LAMA2: variants seen among roughly 807,000 people sequenced by gnomAD.
LAMA2 encodes the protein laminin subunit alpha 2.
In LAMA2, 269 loss-of-function variants were observed where a neutral mutation model predicts 364.8. That is an observed-to-expected ratio of 0.74 (90% confidence interval 0.67 to 0.82). The LOEUF (loss-of-function observed/expected upper bound fraction) is 0.82. LAMA2 is among the 40% of genes least tolerant of loss of function. LAMA2 has a pLI of 0.00. For missense variants in LAMA2, 3,807 were observed against 3,873.2 expected, an observed-to-expected ratio of 0.98 and a Z score of 0.45; for synonymous variants, 1,379 against 1,370.6, an observed-to-expected ratio of 1.01 and a Z score of -0.14.
intron 3 of LAMA2, 26 bp from the exon 4 acceptor site, chr6:129,098,147 T>C: frequency 1.9e-6 from 3 of 1,612,170 alleles, no homozygotes; most frequent in Non-Finnish European, 1.7e-6. Context: ...GAATTCAATG[T>C]TATTGTTGTT....
At chr6:128,984,918 A>G (rs1041817981) in intron 1 of LAMA2, among the ~76,000 whole-genome samples, 11 of 152,102 alleles carry the variant, frequency 7.2e-5, no homozygotes, top group African/African-American at 2.7e-4. Context: ...ATATTTCACA[A>G]TTTACTAGGA....
At chr6:129,306,023 C>T (rs1773846552) in intron 22 of LAMA2, among the ~76,000 whole-genome samples, 1 of 151,976 alleles carries the variant, frequency 6.6e-6, no homozygotes, top group South Asian at 2.1e-4. Flanking sequence ...CAGGAAACCT[C>T]CAGTCCCCTT....
chr6:129,184,389 T>G (rs1458829828), intron 10 of LAMA2, among the ~76,000 whole-genome samples: 2 of 151,886 alleles, frequency 1.3e-5, no homozygotes, highest in African/African-American at 4.8e-5. Flanking sequence ...AATATTATGT[T>G]AGTCAATTTT....
chr6:129,142,876 A>C (rs753407457), intron 4 of LAMA2, among the ~76,000 whole-genome samples: 1 of 151,988 alleles, frequency 6.6e-6, no homozygotes, highest in Non-Finnish European at 1.5e-5. Context: ...GTATCTTATA[A>C]ACTTTTAACA....
At chr6:129,053,988 A>G (rs1195993991) in intron 2 of LAMA2, among the ~76,000 whole-genome samples, 2 of 152,220 alleles carry the variant, frequency 1.3e-5, no homozygotes, top group East Asian at 3.8e-4. Context: ...GTAAAAACAT[A>G]TGGGTCATTA....
intron 18 of LAMA2, among the ~76,000 whole-genome samples, chr6:129,284,518 A>AT (rs921004598): frequency 2.0e-5 from 3 of 151,846 alleles, no homozygotes; most frequent in African/African-American, 7.3e-5. Context: ...TGCTCAGCTG[A>AT]TTTTTTTTAA....
At chr6:128,943,977 G>C (rs1780338873) in intron 1 of LAMA2, among the ~76,000 whole-genome samples, 1 of 152,184 alleles carries the variant, frequency 6.6e-6, no homozygotes, top group Non-Finnish European at 1.5e-5. Context: ...CGTCTGTTAT[G>C]ATGCAATTAA....
intron 33 of LAMA2, among the ~76,000 whole-genome samples, chr6:129,369,170 GTTCA>G (rs1355974345): frequency 6.6e-6 from 1 of 152,098 alleles, no homozygotes. Context: ...AGGAGGCAGT[GTTCA>G]TTCATATTAG....
At position 129,516,062 on chromosome 6, in the gene LAMA2, A is replaced by G. The variant is rs1787044125; in HGVS notation, c.9212-128A>G. ...CAATTCTATTAGTAAGGCTAAAAAC[A>G]AAACCACTAACTTTGCATAAAACAG... On this transcript the variant is annotated intron_variant, in intron 64 of 64. Transcript: ENST00000421865. 4 of 1,110,028 alleles carry G rather than the reference A, an allele frequency of 3.6e-6. No homozygotes were observed. In the East Asian group the frequency reaches 7.1e-5, roughly 20 times the overall value. 68.8% of individuals were successfully genotyped at this position (1,110,028 alleles called of 1,614,324 possible). A position where few individuals can be genotyped will look rare whatever the true frequency, so the allele number is the denominator to read the frequency against.
chr6:129,423,443 G>A (rs1781177039), intron 40 of LAMA2, among the ~76,000 whole-genome samples: 1 of 151,932 alleles, frequency 6.6e-6, no homozygotes, highest in African/African-American at 2.4e-5. Context: ...TAACCCTAGT[G>A]CTTTAGGAGG....
At chr6:129,251,265 C>T (rs1308957638) in intron 13 of LAMA2, among the ~76,000 whole-genome samples, 1 of 151,810 alleles carries the variant, frequency 6.6e-6, no homozygotes, top group Non-Finnish European at 1.5e-5. Context: ...ATGCCATTGT[C>T]CTATTTTGAG....
intron 1 of LAMA2, among the ~76,000 whole-genome samples, chr6:129,040,461 A>G (rs1192519723): frequency 6.6e-6 from 1 of 151,950 alleles, no homozygotes; most frequent in Non-Finnish European, 1.5e-5. Flanking sequence ...CTTTACAATA[A>G]TTAAAAAAAA....
intron 1 of LAMA2, among the ~76,000 whole-genome samples, chr6:128,987,805 G>C (rs9492178): frequency 0.29 from 44,358 of 152,086 alleles, 7,055 homozygotes; most frequent in African/African-American, 0.4. Context: ...TCTGTGGTAA[G>C]GATTAAATGA....
chr6:129,170,362 GTC>G (rs1246769088), intron 9 of LAMA2, among the ~76,000 whole-genome samples: 2 of 147,186 alleles, frequency 1.4e-5, no homozygotes, highest in African/African-American at 5.3e-5. Context: ...GGTATGTTGT[GTC>G]TTTGTTCTCA....
At chr6:129,442,086 T>C in intron 43 of LAMA2, 1 of 565,364 alleles carries the variant, frequency 1.8e-6, no homozygotes, top group Non-Finnish European at 3.0e-6. Context: ...TAGCCCTCTT[T>C]ATATGCCAAC....
chr6:128,910,131 C>T (rs766463094), intron 1 of LAMA2, among the ~76,000 whole-genome samples: 4 of 151,990 alleles, frequency 2.6e-5, no homozygotes, highest in Admixed American at 6.6e-5. Flanking sequence ...TTGCTTTTCT[C>T]GAGAAGTATC....
chr6:129,162,188 G>T (rs1050196514), intron 8 of LAMA2, among the ~76,000 whole-genome samples: 1 of 152,170 alleles, frequency 6.6e-6, no homozygotes, highest in South Asian at 2.1e-4. Context: ...AGTAATAGCC[G>T]TTCTGACCAG....
At chr6:129,293,080 C>T (rs1164239778) in intron 20 of LAMA2, 18 of 985,688 alleles carry the variant, frequency 1.8e-5, no homozygotes, top group African/African-American at 8.7e-5. Context: ...ATCCCAGAGG[C>T]GCTGCATGGC....
chr6:129,231,732 TAGTG>T (rs149166869), intron 12 of LAMA2, among the ~76,000 whole-genome samples: 17,532 of 152,066 alleles, frequency 0.12, 1,127 homozygotes, highest in East Asian at 0.29. Context: ...ATGATTAAAA[TAGTG>T]AGCCTGAATT....
Sources: allele counts gnomAD v4.1 joint callset (sites outside exome capture counted in the v4.1 genomes callset), GRCh38; gene constraint gnomAD v4.1.1; transcripts MANE v1.5; gene names NCBI Gene and HGNC (gene_info 2026-07-23, HGNC 2026-07-21).